The following ARHGAP28 variants were observed in gnomAD, a reference collection of about 807,000 sequenced individuals.
ARHGAP28 encodes the protein Rho GTPase activating protein 28, also known as rho GTPase-activating protein 28.
ARHGAP28 carries 56 observed loss-of-function variants against 90.7 expected under a neutral mutation model. The ratio of observed to expected loss-of-function variants is 0.62; its 90% confidence interval spans 0.50 to 0.77. The LOEUF (loss-of-function observed/expected upper bound fraction) is 0.77, where lower values mean the gene tolerates loss of function less well. Ranked by LOEUF, ARHGAP28 falls within the 30% of genes least tolerant of loss-of-function variation. ARHGAP28 has a pLI of 0.00. For synonymous variants in ARHGAP28, 308 were observed against 323.3 expected (o/e 0.95, Z 0.51); for missense variants, 869 against 900.9 (o/e 0.96, Z 0.45).
At chr18:6,904,131 C>T (rs923361238) in intron 16 of ARHGAP28, among the ~76,000 whole-genome samples, 2 of 152,142 alleles carry the variant, frequency 1.3e-5, no homozygotes, top group African/African-American at 4.8e-5. Flanking sequence ...CAGTGGCTCA[C>T]GCCTGTAATC....
At chr18:6,837,479 G>T in intron 3 of ARHGAP28, 65 bp downstream of exon 3, 1 of 1,101,840 alleles carries the variant, frequency 9.1e-7, no homozygotes, top group Non-Finnish European at 1.3e-6. Context: ...GTAGGGTGGG[G>T]CTGGGGTGGA....
chr18:6,796,467 T>C, intron 1 of ARHGAP28, among the ~76,000 whole-genome samples: 1 of 152,150 alleles, frequency 6.6e-6, no homozygotes, highest in South Asian at 2.1e-4. Context: ...CAACATCATC[T>C]TCATTCTGTA....
chr18:6,798,842 C>G (rs1388708274), intron 1 of ARHGAP28, among the ~76,000 whole-genome samples: 1 of 152,192 alleles, frequency 6.6e-6, no homozygotes, highest in South Asian at 2.1e-4. Context: ...AAAATAAAAG[C>G]ATTTCCATAT....
rs1365505124 is a variant in ARHGAP28 at position 6,776,594 on chromosome 18, G to A, written c.122+46651G>A. Reference sequence around the variant, plus strand: ...TTATAGGCATGAGCCACCATGCCCGGCCCAAAGTGTTTCTTTGACAATTTG... The same window carrying A: ...TTATAGGCATGAGCCACCATGCCCGACCCAAAGTGTTTCTTTGACAATTTG... On this transcript the variant is annotated intron_variant, in intron 1 of 17. Coordinates refer to ENST00000383472, the MANE Select transcript of ARHGAP28 (RefSeq NM_001366230.1). Among the ~76,000 whole-genome samples, 3 of 152,266 alleles carry A rather than the reference G, an allele frequency of 2.0e-5. No homozygotes were observed. In the East Asian group the frequency reaches 5.8e-4, roughly 29 times the overall value.
chr18:6,887,788 T>A (rs955145419), intron 12 of ARHGAP28, among the ~76,000 whole-genome samples: 18 of 152,194 alleles, frequency 1.2e-4, no homozygotes, highest in Admixed American at 9.8e-4. Flanking sequence ...CTGTCTATCC[T>A]GTGTCAGGCA....
intron 1 of ARHGAP28, among the ~76,000 whole-genome samples, chr18:6,737,851 G>A (rs1479907218): frequency 1.2e-4 from 18 of 152,106 alleles, no homozygotes; most frequent in Non-Finnish European, 2.6e-4. Context: ...AATATCTGGG[G>A]TTTATGACAC....
chr18:6,818,993 C>T (rs985823524), intron 1 of ARHGAP28, among the ~76,000 whole-genome samples: 4 of 152,272 alleles, frequency 2.6e-5, no homozygotes, highest in Middle Eastern at 6.8e-3. Flanking sequence ...ATGAGACGTA[C>T]AATACTGGCT....
At position 6,909,809 on chromosome 18, in the gene ARHGAP28, C is replaced by G. The variant is rs79175287; in HGVS notation, c.2095+785C>G. On this transcript the variant is annotated intron_variant, in intron 17 of 17. Transcript: ENST00000383472. ...CTTGGTCTGTGAATATCCTCACAGC[C>G]CCATGGGTGCTCCGTGCTCCCACTG... Among the ~76,000 whole-genome samples the G allele has an allele frequency of 8.3e-3, 1,256 of 152,182 alleles. 14 individuals are homozygous for G. The highest frequency in any genetic ancestry group is 0.029 in the African/African-American group (1,209 of 41,526).
At chr18:6,800,725 G>A (rs2056475848) in intron 1 of ARHGAP28, among the ~76,000 whole-genome samples, 1 of 152,160 alleles carries the variant, frequency 6.6e-6, no homozygotes, top group African/African-American at 2.4e-5. Context: ...GGGGGACTAG[G>A]GGAGGGATAG....
intron 1 of ARHGAP28, among the ~76,000 whole-genome samples, chr18:6,782,269 T>G (rs2056329940): frequency 6.6e-6 from 1 of 152,106 alleles, no homozygotes; most frequent in South Asian, 2.1e-4. Flanking sequence ...GTGTTCACTG[T>G]TTTTTAGCAC....
chr18:6,839,360 C>G (rs952838236), intron 3 of ARHGAP28, among the ~76,000 whole-genome samples: 2 of 145,702 alleles, frequency 1.4e-5, no homozygotes, highest in East Asian at 4.0e-4. Context: ...GTGGCGCAAT[C>G]TCGGCTCACT....
chr18:6,796,181 T>G (rs1282953470), intron 1 of ARHGAP28, among the ~76,000 whole-genome samples: 1 of 152,222 alleles, frequency 6.6e-6, no homozygotes, highest in Non-Finnish European at 1.5e-5. Context: ...TCTGTACCAG[T>G]GAGCACTCGC....
chr18:6,822,677 GT>G (rs1281943745), intron 1 of ARHGAP28, among the ~76,000 whole-genome samples: 2 of 152,058 alleles, frequency 1.3e-5, no homozygotes, highest in Non-Finnish European at 2.9e-5. Flanking sequence ...TTCCTGAAAT[GT>G]TTTGGTTTAA....
chr18:6,815,897 G>T (rs2056587091), intron 1 of ARHGAP28, among the ~76,000 whole-genome samples: 1 of 148,892 alleles, frequency 6.7e-6, no homozygotes. Context: ...AATTACTGAT[G>T]TGTCATTGTT....
At chr18:6,764,274 A>C (rs1442815174) in intron 1 of ARHGAP28, among the ~76,000 whole-genome samples, 2 of 152,158 alleles carry the variant, frequency 1.3e-5, no homozygotes, top group East Asian at 3.9e-4. Context: ...GTCCAAAGAG[A>C]TCAAAGGAAA....
At chr18:6,894,795 G>A in intron 14 of ARHGAP28, 40 bp from the exon 15 acceptor site, 1 of 1,587,046 alleles carries the variant, frequency 6.3e-7, no homozygotes, top group Non-Finnish European at 8.6e-7. Flanking sequence ...ACATATGCTT[G>A]TTTTCTCAAC....
Position 6,890,334 on chromosome 18 carries a change from G to A in ARHGAP28, c.1735-96G>A, listed in dbSNP as rs183661609. ...CCACCATTCCTGGCTCCAGGATACC[G>A]AGTGACTGGGAGGAGTTGCCATGCC... On this transcript the variant is annotated intron_variant, in intron 13 of 17. Coordinates refer to ENST00000383472, the MANE Select transcript of ARHGAP28 (RefSeq NM_001366230.1). 6.6e-4 allele frequency: 535 copies of A among 808,338 alleles called. No individual in the cohort carries two copies. Among genetic ancestry groups the A allele is most frequent in the Non-Finnish European group, 8.7e-4 (439 of 502,754 alleles). The allele number at this position is 808,338 out of a possible 1,614,324, so 50.1% of individuals were successfully genotyped here. A position where few individuals can be genotyped will look rare whatever the true frequency, so the allele number is the denominator to read the frequency against.
intron 1 of ARHGAP28, among the ~76,000 whole-genome samples, chr18:6,780,368 C>G (rs1179496728): frequency 2.0e-5 from 3 of 152,156 alleles, no homozygotes; most frequent in Non-Finnish European, 4.4e-5. Flanking sequence ...CAGTGTAACT[C>G]TTTACATAGG....
chr18:6,729,987 C>T, intron 1 of ARHGAP28, 44 bp downstream of exon 1: 20 of 1,304,226 alleles, frequency 1.5e-5, no homozygotes, highest in South Asian at 2.2e-5. Flanking sequence ...TCGCGCTGGG[C>T]TTGGGGGGTT....
Sources: allele counts gnomAD v4.1 joint callset (sites outside exome capture counted in the v4.1 genomes callset), GRCh38; gene constraint gnomAD v4.1.1; transcripts MANE v1.5; gene names NCBI Gene and HGNC (gene_info 2026-07-23, HGNC 2026-07-21).